The following ZNF704 variants were observed in gnomAD, a reference collection of about 807,000 sequenced individuals.
The protein encoded by ZNF704 is zinc finger protein 704.
A neutral mutation model predicts 44.7 loss-of-function variants in ZNF704; 10 were observed. The observed-to-expected ratio is 0.22, with a 90% CI of 0.14 to 0.38. The LOEUF (loss-of-function observed/expected upper bound fraction) is 0.38. Among genes scored for constraint, ZNF704 ranks in the 10% least tolerant of loss-of-function variants. The probability of loss-of-function intolerance (pLI) is 1.00; values close to 1 mark genes in which losing one functional copy is unlikely to be tolerated. For missense variants in ZNF704, 390 were observed against 545.5 expected, an observed-to-expected ratio of 0.71 and a Z score of 2.84; for synonymous variants, 211 against 207.6, an observed-to-expected ratio of 1.02 and a Z score of -0.14.
At chr8:80,664,228 C>T (rs1818149299) in intron 6 of ZNF704, among the ~76,000 whole-genome samples, 3 of 151,542 alleles carry the variant, frequency 2.0e-5, no homozygotes, top group African/African-American at 7.3e-5. Context: ...TCCCAAGTAG[C>T]TGGGACTACA....
intron 2 of ZNF704, among the ~76,000 whole-genome samples, chr8:80,758,107 A>AT (rs1271737674): frequency 6.6e-6 from 1 of 152,230 alleles, no homozygotes; most frequent in African/African-American, 2.4e-5. Flanking sequence ...ATTTGTATCA[A>AT]TATCACATTG....
At chr8:80,703,637 G>A (rs950428689) in intron 2 of ZNF704, among the ~76,000 whole-genome samples, 21 of 152,104 alleles carry the variant, frequency 1.4e-4, no homozygotes, top group African/African-American at 5.1e-4. Context: ...ACCATGCCCG[G>A]CTAATTTTTT....
intron 2 of ZNF704, among the ~76,000 whole-genome samples, chr8:80,706,915 T>G (rs1818907910): frequency 6.6e-6 from 1 of 152,234 alleles, no homozygotes; most frequent in Non-Finnish European, 1.5e-5. Context: ...AGTGACAGAC[T>G]ACTGAATCAA....
At chr8:80,844,348 A>C (rs1808732066) in intron 1 of ZNF704, among the ~76,000 whole-genome samples, 2 of 152,300 alleles carry the variant, frequency 1.3e-5, no homozygotes, top group South Asian at 2.1e-4. Context: ...TGGTTCACAG[A>C]CAGCCATCTT....
At chr8:80,882,380 A>G in the ZNF704 span, among the ~76,000 whole-genome samples, 1 of 152,172 alleles carries the variant, frequency 6.6e-6, no homozygotes, top group African/African-American at 2.4e-5. Context: ...ATGAAGAAAA[A>G]TAGTTTCCCA....
rs1254544328 is a variant in ZNF704, at chr8:80,696,992, A to G, written c.222-3885T>C. On this transcript the variant is annotated intron_variant, in intron 2 of 8. Transcript: ENST00000327835. The stretch of plus-strand genomic sequence containing the variant: ...AGTGCTTCAGATTTCAGATTTTGGA[A>G]TGAGAGATACTCAATCTGTAACAGA... Among the ~76,000 whole-genome samples, 4 of 152,196 alleles carry G rather than the reference A, an allele frequency of 2.6e-5. No homozygotes were observed. The South Asian group carries it at 6.2e-4, about 24-fold the overall frequency.
chr8:80,752,187 A>G (rs1162462684), intron 2 of ZNF704, among the ~76,000 whole-genome samples: 3 of 152,252 alleles, frequency 2.0e-5, no homozygotes, highest in Non-Finnish European at 4.4e-5. Flanking sequence ...TGATTTCATT[A>G]TATAAATGCA....
chr8:80,720,241 C>G (rs536124071), intron 2 of ZNF704, among the ~76,000 whole-genome samples: 1 of 152,314 alleles, frequency 6.6e-6, no homozygotes, highest in Non-Finnish European at 1.5e-5. Flanking sequence ...ATATCTCTGC[C>G]CATCTCCTTT....
chr8:80,768,749 C>T (rs914922167), intron 2 of ZNF704, among the ~76,000 whole-genome samples: 3 of 152,234 alleles, frequency 2.0e-5, no homozygotes, highest in East Asian at 3.9e-4. Flanking sequence ...CATCTCTTCC[C>T]AACCCCGTGT....
chr8:80,734,797 T>A (rs1424064316), intron 2 of ZNF704, among the ~76,000 whole-genome samples: 1 of 152,256 alleles, frequency 6.6e-6, no homozygotes, highest in Non-Finnish European at 1.5e-5. Context: ...TGATTGTGTT[T>A]TCACTATCGT....
At chr8:80,736,171 A>T (rs1217584210) in intron 2 of ZNF704, among the ~76,000 whole-genome samples, 1 of 152,276 alleles carries the variant, frequency 6.6e-6, no homozygotes, top group Non-Finnish European at 1.5e-5. Context: ...TCTTTTGCAT[A>T]ACACATTTTC....
At chr8:80,730,538 TAAAAA>T (rs148942015) in intron 2 of ZNF704, among the ~76,000 whole-genome samples, 9,261 of 63,358 alleles carry the variant, frequency 0.15, 699 homozygotes, top group African/African-American at 0.27. Flanking sequence ...GACTACATCT[TAAAAA>T]AAAAAAAAAA....
At chr8:80,688,195 G>A (rs1013773893) in intron 3 of ZNF704, among the ~76,000 whole-genome samples, 1 of 151,544 alleles carries the variant, frequency 6.6e-6, no homozygotes, top group African/African-American at 2.4e-5. Context: ...GTGAAAGAGC[G>A]AGATCCTGTT....
chr8:80,769,055 T>C (rs1807275639), intron 2 of ZNF704, among the ~76,000 whole-genome samples: 1 of 152,056 alleles, frequency 6.6e-6, no homozygotes, highest in South Asian at 2.1e-4. Context: ...CCAACAAAAA[T>C]ACTGGTATAT....
At chr8:80,732,138 C>G (rs1438464506) in intron 2 of ZNF704, among the ~76,000 whole-genome samples, 1 of 152,178 alleles carries the variant, frequency 6.6e-6, no homozygotes, top group Non-Finnish European at 1.5e-5. Context: ...TTGGGGTCAT[C>G]ATCTCTTCAA....
chr8:80,865,937 T>C (rs951012305), intron 1 of ZNF704, among the ~76,000 whole-genome samples: 1 of 152,224 alleles, frequency 6.6e-6, no homozygotes, highest in Non-Finnish European at 1.5e-5. Context: ...ATTGTAACTC[T>C]AGATTTTTCC....
At chr8:80,813,995 T>C (rs1808135111) in intron 2 of ZNF704, 1 of 152,212 alleles carries the variant, frequency 6.6e-6, no homozygotes, top group African/African-American at 2.4e-5. Flanking sequence ...TTCCCATTTT[T>C]ATAGAACATT....
rs552810288 is a variant in ZNF704, at chr8:80,654,754, T to C, written c.1032+4831A>G. On this transcript the variant is annotated intron_variant, in intron 7 of 8. Coordinates refer to ENST00000327835, the MANE Select transcript of ZNF704 (RefSeq NM_001033723.3). Reference sequence around the variant, plus strand: ...TTACACTGTTGGTGGGACTGTAAACTAGTTCAACCATTGTGGAAGTCAGTG... The same window carrying C: ...TTACACTGTTGGTGGGACTGTAAACCAGTTCAACCATTGTGGAAGTCAGTG... 1.9e-3 allele frequency among the ~76,000 whole-genome samples: 287 copies of C among 152,304 alleles called. 2 individuals carry two copies. Among genetic ancestry groups the C allele is most frequent in the Non-Finnish European group, 2.8e-3 (192 of 68,016 alleles).
At chr8:80,863,609 G>A (rs1809105661) in intron 1 of ZNF704, among the ~76,000 whole-genome samples, 1 of 152,072 alleles carries the variant, frequency 6.6e-6, no homozygotes, top group Non-Finnish European at 1.5e-5. Flanking sequence ...ACCTCTCAAG[G>A]TTATCAAGAA....
Sources: allele counts gnomAD v4.1 joint callset (sites outside exome capture counted in the v4.1 genomes callset), GRCh38; gene constraint gnomAD v4.1.1; transcripts MANE v1.5; gene names NCBI Gene and HGNC (gene_info 2026-07-23, HGNC 2026-07-21).